Variants in EXPH5 observed in about 807,000 individuals in gnomAD.
EXPH5 encodes the protein exophilin 5.
EXPH5 carries 42 observed loss-of-function variants against 41.1 expected under a neutral mutation model. The observed-to-expected ratio is 1.02, with a 90% CI of 0.80 to 1.32. The LOEUF (loss-of-function observed/expected upper bound fraction) is 1.32, where lower values mean the gene tolerates loss of function less well. Among genes scored for constraint, EXPH5 ranks in the 40% most tolerant of loss-of-function variants. EXPH5 has a pLI of 0.00. For missense variants in EXPH5, 2,298 were observed against 2,314.5 expected (o/e 0.99, Z 0.15); for synonymous variants, 798 against 833.5 (o/e 0.96, Z 0.73).
At chr11:108,604,143 A>G in the EXPH5 span, among the ~76,000 whole-genome samples, 2 of 150,462 alleles carry the variant, frequency 1.3e-5, no homozygotes, top group South Asian at 4.2e-4. Flanking sequence ...CATGCCTATA[A>G]TCTTTGAGAG....
Position 108,513,837 on chromosome 11 carries a change from C to A in EXPH5, c.1670G>T (p.Arg557Ile). The part of the protein sequence containing the change: ...EPHPWQFDFQ[R>I]STLDSMVVSH... ...TACCACCATGCTATCCAGTGTGGAT[C>A]TCTGAAAATCAAACTGCCAAGGATG... The change falls in exon 6 of 6, where the codon AGA becomes ATA. Residue 557 changes from arginine to isoleucine, a missense_variant. Coordinates refer to ENST00000265843, the MANE Select transcript of EXPH5 (RefSeq NM_015065.3). 2 of 1,608,954 alleles carry A rather than the reference C, an allele frequency of 1.2e-6. No individual in the cohort carries two copies. Among genetic ancestry groups the A allele is most frequent in the Non-Finnish European group, 1.7e-6 (2 of 1,178,062 alleles).
Position 108,518,336 on chromosome 11 carries a change from A to C in EXPH5, c.530T>G (p.Leu177Arg). ...KIYNSPLENH[L>R]VDSTFVPKPA... ...CTTTGGGACAAATGTACTGTCAACT[A>C]GATGATTTTCCAGAGGTGAATTGTA... The change falls in exon 5 of 6, where the codon CTA (leucine) becomes CGA (arginine). Residue 177 changes from leucine to arginine, a missense_variant. Leu to Arg is a moderately radical substitution (Grantham distance 102). Coordinates refer to ENST00000265843, the MANE Select transcript of EXPH5 (RefSeq NM_015065.3). 6.2e-7 allele frequency: 1 copy of C among 1,614,034 alleles called. No individual in the cohort carries two copies. Among genetic ancestry groups the C allele is most frequent in the Non-Finnish European group, 8.5e-7 (1 of 1,179,958 alleles).
chr11:108,570,547 G>A (rs960678592), intron 1 of EXPH5, among the ~76,000 whole-genome samples: 5 of 152,048 alleles, frequency 3.3e-5, no homozygotes, highest in Non-Finnish European at 5.9e-5. Context: ...GAGCCACTGC[G>A]CCTAGCTTAT....
chr11:108,593,761 G>GC lies in EXPH5; in HGVS notation c.-226dup. 6.5e-7 allele frequency: 1 copy of GC among 1,535,826 alleles called. No individual in the cohort carries two copies. Among genetic ancestry groups the GC allele is most frequent in the African/African-American group, 1.4e-5 (1 of 73,128 alleles). The stretch of plus-strand genomic sequence containing the variant: ...TTCTCTCAACCTGTCCAACCGAGAT[G>GC]CAAAGTGAACGGCTAAAGGGAGAGA... On this transcript the variant is annotated 5_prime_UTR_variant, in exon 1 of 6. Coordinates refer to ENST00000265843, the MANE Select transcript of EXPH5 (RefSeq NM_015065.3).
At chr11:108,535,704 C>G (rs556695118) in intron 3 of EXPH5, among the ~76,000 whole-genome samples, 66 of 152,304 alleles carry the variant, frequency 4.3e-4, no homozygotes, top group African/African-American at 1.6e-3. Context: ...GCTGGACTGT[C>G]TGAGCCGTGT....
chr11:108,514,659 C>G lies in EXPH5; in HGVS notation c.848G>C (p.Gly283Ala). 1 of 1,604,362 alleles carries G rather than the reference C, an allele frequency of 6.2e-7. No homozygotes were observed. The highest frequency in any genetic ancestry group is 8.5e-7 in the Non-Finnish European group (1 of 1,176,398). Residue 283 changes from glycine (G) to alanine (A), a missense_variant, in exon 6 of 6, where the codon GGT (glycine) becomes GCT (alanine). Transcript: ENST00000265843. Reference protein sequence around the residue: ...DILRPGTPREGFKTFSPRTST... With the variant: ...DILRPGTPREAFKTFSPRTST... ...TGTCCTAGGAGAAAAGGTTTTAAAA[C>G]CTTCCCTAGGAGTTCCTGGTCTTAG...
intron 3 of EXPH5, among the ~76,000 whole-genome samples, chr11:108,529,007 C>A (rs1385135088): frequency 6.6e-6 from 1 of 151,780 alleles, no homozygotes; most frequent in Non-Finnish European, 1.5e-5. Flanking sequence ...CTGGCCAGAG[C>A]CCTCTTTCTT....
intron 1 of EXPH5, among the ~76,000 whole-genome samples, chr11:108,553,324 C>T (rs2136062691): frequency 6.6e-6 from 1 of 152,334 alleles, no homozygotes; most frequent in South Asian, 2.1e-4. Context: ...TAATTACCAT[C>T]TGGTTCAGAT....
chr11:108,521,313 C>T (rs1404755983), intron 4 of EXPH5, among the ~76,000 whole-genome samples: 7 of 152,156 alleles, frequency 4.6e-5, no homozygotes, highest in Admixed American at 3.3e-4. Context: ...ACATTCCTTA[C>T]GACCTTGTGT....
Position 108,510,134 on chromosome 11 carries a change from G to C in EXPH5, c.5373C>G (p.Leu1791=). ...TGCTTTTTAAACTCTTTGAACGATA[G>C]AGGTGTGGCTCAGGTTCCCACTCCA... The part of the protein sequence containing the change: ...SSLEWEPEPH[L]YRSKSLKSIN... The change falls in exon 6 of 6, where the codon CTC becomes CTG. Residue 1791 remains leucine (L), a synonymous_variant. Transcript: ENST00000265843. The C allele has an allele frequency of 6.2e-7, 1 of 1,613,930 alleles. No homozygotes were observed.
At chr11:108,596,815 A>G (rs1325540419), upstream of EXPH5, among the ~76,000 whole-genome samples, 3 of 152,228 alleles carry the variant, frequency 2.0e-5, no homozygotes, top group African/African-American at 7.2e-5. Context: ...TTTACAAGGC[A>G]TTGGGGACTG....
At chr11:108,552,102 C>T (rs1226642343) in intron 1 of EXPH5, 1 of 152,038 alleles carries the variant, frequency 6.6e-6, no homozygotes, top group East Asian at 1.9e-4. Flanking sequence ...CACTCACCCT[C>T]CAGGGAAAGC....
In EXPH5 at chr11:108,539,088, A is replaced by G; in HGVS notation, c.379T>C (p.Ser127Pro). The G allele has an allele frequency of 6.2e-7, 1 of 1,612,174 alleles. No homozygotes were observed. Among genetic ancestry groups the G allele is most frequent in the Non-Finnish European group, 8.5e-7 (1 of 1,178,880 alleles). ...CCAGATTTCCTGAATGAGAACAGGGAAGCAAATGACGATCTGAAGCTCATC... is the reference window on the plus strand; with the variant it reads ...CCAGATTTCCTGAATGAGAACAGGGGAGCAAATGACGATCTGAAGCTCATC... ...SRMSFRSSFA[S>P]LFSFRKSGKE... The change falls in exon 3 of 6, where the codon TCC becomes CCC. Residue 127 changes from serine to proline, a missense_variant. Coordinates refer to ENST00000265843, the MANE Select transcript of EXPH5 (RefSeq NM_015065.3).
At chr11:108,522,318 T>C (rs1268994023) in intron 4 of EXPH5, among the ~76,000 whole-genome samples, 4 of 152,194 alleles carry the variant, frequency 2.6e-5, no homozygotes, top group Non-Finnish European at 4.4e-5. Context: ...ATTATTATTG[T>C]TGTTAGCAGC....
chr11:108,595,489 A>G (rs1320949420), upstream of EXPH5, among the ~76,000 whole-genome samples: 3 of 152,214 alleles, frequency 2.0e-5, no homozygotes, highest in Non-Finnish European at 2.9e-5. Context: ...GAATCTTCTC[A>G]TATTCCCTCA....
intron 3 of EXPH5, among the ~76,000 whole-genome samples, chr11:108,536,413 G>A (rs554523505): frequency 6.3e-4 from 95 of 151,964 alleles, no homozygotes; most frequent in African/African-American, 2.2e-3. Context: ...CTACAGGCTC[G>A]CACCACCATG....
chr11:108,564,492 C>T (rs1439919018), intron 1 of EXPH5, among the ~76,000 whole-genome samples: 2 of 152,128 alleles, frequency 1.3e-5, no homozygotes, highest in African/African-American at 4.8e-5. Flanking sequence ...TATTCCACCA[C>T]TGCATCTCTG....
rs1358059881 is a variant in EXPH5 at position 108,513,503 on chromosome 11, G to T, written c.2004C>A (p.Ser668Arg). 3 of 1,614,146 alleles carry T rather than the reference G, an allele frequency of 1.9e-6. No homozygotes were observed. Among genetic ancestry groups the T allele is most frequent in the Non-Finnish European group, 1.7e-6 (2 of 1,179,990 alleles). ...TGCTGGTCACAGTGACTTCTGTATG[G>T]CTTCTCATTGGATGAGAGGCAGGCT... ...PNKPASHPMR[S>R]HTEVTVTSSN... is the part of the protein sequence containing the mutation. The change falls in exon 6 of 6, where the codon AGC becomes AGA. Residue 668 changes from serine to arginine, a missense_variant. Ser to Arg is a moderately radical substitution (Grantham distance 110). Transcript: ENST00000265843.
chr11:108,510,743 T>C lies in EXPH5; in HGVS notation c.4764A>G (p.Arg1588=), dbSNP rs762665801. The change falls in exon 6 of 6, where the codon AGA becomes AGG. Residue 1588 remains arginine, a synonymous_variant. Transcript: ENST00000265843. The part of the protein sequence containing the change: ...NLDDLVKGEN[R]SSVKHRLAAM... Reference sequence around the variant, plus strand: ...CTGCCAATCTGTGTTTAACTGAAGATCTATTTTCCCCCTTTACTAGGTCAT... The same window carrying C: ...CTGCCAATCTGTGTTTAACTGAAGACCTATTTTCCCCCTTTACTAGGTCAT... The C allele has an allele frequency of 7.4e-6, 12 of 1,614,094 alleles. No individual in the cohort carries two copies. The Middle Eastern group carries it at 6.6e-4, about 88-fold the overall frequency.
Sources: gnomAD v4.1 joint callset for allele counts (sites outside exome capture counted in the v4.1 genomes callset) on GRCh38, gnomAD v4.1.1 for gene constraint, MANE v1.5 for transcripts, NCBI Gene and HGNC (gene_info 2026-07-23, HGNC 2026-07-21) for gene names.